Variants in UVRAG observed in about 807,000 individuals in gnomAD.
The protein encoded by UVRAG is UV radiation resistance associated, also known as UV radiation resistance-associated gene protein.
In UVRAG, 19 loss-of-function variants were observed where a neutral mutation model predicts 78.0. The ratio of observed to expected loss-of-function variants is 0.24; its 90% confidence interval spans 0.17 to 0.36. UVRAG has a LOEUF of 0.36. Among genes scored for constraint, UVRAG ranks in the 10% least tolerant of loss-of-function variants. The pLI is 1.00. For missense variants in UVRAG, 740 were observed against 853.8 expected, an observed-to-expected ratio of 0.87 and a Z score of 1.66; for synonymous variants, 323 against 324.6, an observed-to-expected ratio of 1.00 and a Z score of 0.05.
intron 2 of UVRAG, among the ~76,000 whole-genome samples, chr11:75,855,537 T>C (rs1325787637): frequency 1.3e-5 from 2 of 152,220 alleles, no homozygotes; most frequent in Admixed American, 1.3e-4. Context: ...GCCCTTTCTT[T>C]AGTAATTCTA....
At chr11:75,965,617 T>C (rs1239516841) in intron 7 of UVRAG, among the ~76,000 whole-genome samples, 1 of 152,324 alleles carries the variant, frequency 6.6e-6, no homozygotes, top group Non-Finnish European at 1.5e-5. Context: ...GCCCGGCAGA[T>C]GTTGGACATC....
chr11:75,975,185 G>A (rs1949212008), intron 7 of UVRAG, among the ~76,000 whole-genome samples: 1 of 152,140 alleles, frequency 6.6e-6, no homozygotes, highest in South Asian at 2.1e-4. Context: ...TAGATGTGTG[G>A]TATTATTTCT....
At chr11:75,859,311 G>A (rs1590942399) in intron 2 of UVRAG, among the ~76,000 whole-genome samples, 1 of 151,990 alleles carries the variant, frequency 6.6e-6, no homozygotes, top group East Asian at 1.9e-4. Context: ...GGGAGGCGGA[G>A]GTTGCGGTGA....
At chr11:75,958,466 T>C (rs1948845771) in intron 6 of UVRAG, among the ~76,000 whole-genome samples, 1 of 152,190 alleles carries the variant, frequency 6.6e-6, no homozygotes, top group African/African-American at 2.4e-5. Flanking sequence ...CTTGATTAAC[T>C]GTAAAAAGTA....
At chr11:76,064,107 A>C (rs2062045058) in intron 12 of UVRAG, among the ~76,000 whole-genome samples, 2 of 152,210 alleles carry the variant, frequency 1.3e-5, no homozygotes, top group South Asian at 4.1e-4. Flanking sequence ...AAATGTTGTG[A>C]AATCAATTTT....
chr11:75,825,387 G>T (rs1278135148), intron 1 of UVRAG, among the ~76,000 whole-genome samples: 1 of 152,008 alleles, frequency 6.6e-6, no homozygotes, highest in African/African-American at 2.4e-5. Flanking sequence ...TGCTGGGATT[G>T]CAGGCATGAG....
At chr11:75,827,818 G>A (rs922301478) in intron 1 of UVRAG, among the ~76,000 whole-genome samples, 1 of 151,938 alleles carries the variant, frequency 6.6e-6, no homozygotes, top group Non-Finnish European at 1.5e-5. Flanking sequence ...TCATTCTTTT[G>A]TATGAGAGCT....
At chr11:76,000,652 A>T (rs1482059326) in intron 8 of UVRAG, among the ~76,000 whole-genome samples, 1 of 152,058 alleles carries the variant, frequency 6.6e-6, no homozygotes, top group African/African-American at 2.4e-5. Flanking sequence ...AGTTAGATAG[A>T]TTAAAAGTTA....
chr11:75,891,705 T>G (rs761728882), intron 5 of UVRAG, among the ~76,000 whole-genome samples: 4 of 152,156 alleles, frequency 2.6e-5, no homozygotes, highest in Admixed American at 6.5e-5. Context: ...AGCTCAGCAG[T>G]TCGAGACCAG....
At chr11:76,014,274 TAG>T (rs1950106448) in intron 11 of UVRAG, among the ~76,000 whole-genome samples, 1 of 152,224 alleles carries the variant, frequency 6.6e-6, no homozygotes, top group African/African-American at 2.4e-5. Flanking sequence ...TAGCATTAGA[TAG>T]ATAGTTTTGA....
chr11:75,990,132 T>C (rs182564286), intron 8 of UVRAG, among the ~76,000 whole-genome samples: 228 of 152,344 alleles, frequency 1.5e-3, no homozygotes, highest in Middle Eastern at 0.01. Flanking sequence ...ATATGAAGTA[T>C]AGTTTACATT....
At chr11:76,016,681 T>C (rs1478142942) in intron 11 of UVRAG, 134 bp from the exon 12 acceptor site, 4 of 787,490 alleles carry the variant, frequency 5.1e-6, no homozygotes, top group African/African-American at 3.5e-5. Flanking sequence ...ATAAAATTTA[T>C]ATAATTTAGA....
At chr11:75,865,287 C>CAAAAAA (rs1195072746) in intron 3 of UVRAG, among the ~76,000 whole-genome samples, 2 of 45,712 alleles carry the variant, frequency 4.4e-5, no homozygotes, top group Admixed American at 2.3e-4. Flanking sequence ...AACTCCATCT[C>CAAAAAA]AAAAAAAAAA....
chr11:75,950,542 C>A (rs978092679), intron 6 of UVRAG, among the ~76,000 whole-genome samples: 2 of 152,298 alleles, frequency 1.3e-5, no homozygotes, highest in East Asian at 3.9e-4. Context: ...GCATGAGCCA[C>A]CGCACCCAGC....
intron 1 of UVRAG, among the ~76,000 whole-genome samples, chr11:75,847,215 A>G (rs983835379): frequency 7.1e-6 from 1 of 140,710 alleles, no homozygotes; most frequent in African/African-American, 2.7e-5. Flanking sequence ...GCAACGTCCA[A>G]CTCCGGGGTT....
At position 75,956,447 on chromosome 11, in the gene UVRAG, A is replaced by G. The variant is rs577501325; in HGVS notation, c.594-4997A>G. On this transcript the variant is annotated intron_variant, in intron 6 of 14. Coordinates refer to ENST00000356136, the MANE Select transcript of UVRAG (RefSeq NM_003369.4). Reference sequence around the variant, plus strand: ...TGTCGCCAGGCTGGAGTGCAATGGCACGATCTCAGCTCACTGCAACTTCTG... The same window carrying G: ...TGTCGCCAGGCTGGAGTGCAATGGCGCGATCTCAGCTCACTGCAACTTCTG... Among the ~76,000 whole-genome samples the G allele has an allele frequency of 8.3e-5, 12 of 144,974 alleles. No homozygotes were observed. In the South Asian group the frequency reaches 2.6e-3, roughly 31 times the overall value.
At chr11:75,838,020 T>C (rs1398616553) in intron 1 of UVRAG, among the ~76,000 whole-genome samples, 1 of 152,018 alleles carries the variant, frequency 6.6e-6, no homozygotes, top group Non-Finnish European at 1.5e-5. Flanking sequence ...TGTCTCTACA[T>C]ACCACCACCG....
intron 5 of UVRAG, among the ~76,000 whole-genome samples, chr11:75,897,478 G>C (rs898566664): frequency 2.6e-5 from 4 of 152,136 alleles, no homozygotes; most frequent in Non-Finnish European, 5.9e-5. Flanking sequence ...TGGCAAGTTA[G>C]CTCTATGCTA....
chr11:76,091,479 A>G (rs562040958), intron 13 of UVRAG, among the ~76,000 whole-genome samples: 1 of 151,816 alleles, frequency 6.6e-6, no homozygotes, highest in African/African-American at 2.4e-5. Context: ...TTTTTTTTAT[A>G]TCTCTTCCTG....
Sources: allele counts gnomAD v4.1 joint callset (sites outside exome capture counted in the v4.1 genomes callset), GRCh38; gene constraint gnomAD v4.1.1; transcripts MANE v1.5; gene names NCBI Gene and HGNC (gene_info 2026-07-23, HGNC 2026-07-21).